Variants in SAMD12 observed in about 807,000 individuals in gnomAD.
The protein encoded by SAMD12 is sterile alpha motif domain-containing protein 12.
Under a neutral mutation model 15.0 loss-of-function variants are expected in SAMD12, and 9 were observed. That is an observed-to-expected ratio of 0.60 (90% confidence interval 0.36 to 1.05). The LOEUF (loss-of-function observed/expected upper bound fraction) is 1.05. SAMD12 is among the 50% of genes least tolerant of loss of function. The pLI is 0.01. For missense variants in SAMD12, 230 were observed against 234.2 expected, an observed-to-expected ratio of 0.98 and a Z score of 0.12; for synonymous variants, 86 against 90.1, an observed-to-expected ratio of 0.96 and a Z score of 0.25.
At chr8:118,572,824 T>C (rs1392942289) in intron 2 of SAMD12, among the ~76,000 whole-genome samples, 1 of 151,984 alleles carries the variant, frequency 6.6e-6, no homozygotes. Context: ...GTTTGGCTGT[T>C]TCCCCACCCA....
intron 2 of SAMD12, among the ~76,000 whole-genome samples, chr8:118,498,180 T>C (rs1351327489): frequency 6.6e-6 from 1 of 152,166 alleles, no homozygotes; most frequent in Non-Finnish European, 1.5e-5. Context: ...ACCTTCACTT[T>C]TAAAGACGGT....
intron 3 of SAMD12, among the ~76,000 whole-genome samples, chr8:118,408,177 T>A (rs1278356890): frequency 6.6e-6 from 1 of 152,098 alleles, no homozygotes; most frequent in Non-Finnish European, 1.5e-5. Context: ...TTGATAAGTA[T>A]CCTCAAACTC....
the SAMD12 span, among the ~76,000 whole-genome samples, chr8:118,139,642 G>A: frequency 6.6e-6 from 1 of 152,166 alleles, no homozygotes; most frequent in African/African-American, 2.4e-5. Context: ...ACATGTGTGA[G>A]CCACTGCGCC....
chr8:118,252,472 T>G (rs1172932102), intron 4 of SAMD12, among the ~76,000 whole-genome samples: 1 of 148,596 alleles, frequency 6.7e-6, no homozygotes, highest in Non-Finnish European at 1.5e-5. Context: ...ATCATCTTTC[T>G]CCTGTCTTGG....
chr8:118,512,280 A>G (rs961867755), intron 2 of SAMD12, among the ~76,000 whole-genome samples: 14 of 152,212 alleles, frequency 9.2e-5, no homozygotes, highest in African/African-American at 3.1e-4. Context: ...CCAGAAAGTA[A>G]AGCAAAGAAA....
At chr8:118,222,704 C>A (rs773017860) in intron 4 of SAMD12, among the ~76,000 whole-genome samples, 2 of 152,024 alleles carry the variant, frequency 1.3e-5, no homozygotes, top group Non-Finnish European at 1.5e-5. Context: ...GGGGTTTCAC[C>A]ATGTTGGACA....
chr8:118,229,818 C>T (rs566550708), intron 4 of SAMD12, among the ~76,000 whole-genome samples: 31 of 152,266 alleles, frequency 2.0e-4, no homozygotes, highest in African/African-American at 5.5e-4. Context: ...AGGCCACACA[C>T]GGCTGCCCTA....
At chr8:118,572,659 A>G (rs973858978) in intron 2 of SAMD12, among the ~76,000 whole-genome samples, 3 of 152,172 alleles carry the variant, frequency 2.0e-5, no homozygotes, top group African/African-American at 4.8e-5. Flanking sequence ...CATGTAAGAC[A>G]TGCCTTGCTC....
chr8:118,519,840 A>T (rs1161920843), intron 2 of SAMD12, among the ~76,000 whole-genome samples: 1 of 152,228 alleles, frequency 6.6e-6, no homozygotes, highest in Non-Finnish European at 1.5e-5. Flanking sequence ...ATGACTTAAC[A>T]TCTAGTCTGT....
chr8:118,621,667 G>A (rs1449604998), intron 1 of SAMD12, 137 bp downstream of exon 1: 11 of 941,068 alleles, frequency 1.2e-5, no homozygotes, highest in South Asian at 4.2e-5. Context: ...TGAGTGCCAA[G>A]AGGTGGAGGA....
chr8:118,615,693 A>C (rs1480918883), intron 1 of SAMD12, among the ~76,000 whole-genome samples: 1 of 152,228 alleles, frequency 6.6e-6, no homozygotes, highest in African/African-American at 2.4e-5. Context: ...TCAGCATTAC[A>C]GAACACAGCT....
chr8:118,483,038 C>T (rs1645599958), intron 2 of SAMD12, among the ~76,000 whole-genome samples: 1 of 152,312 alleles, frequency 6.6e-6, no homozygotes, highest in Non-Finnish European at 1.5e-5. Flanking sequence ...TGCCATCCAT[C>T]TCAATCTAAA....
At chr8:118,446,802 T>A (rs1425782456) in intron 2 of SAMD12, among the ~76,000 whole-genome samples, 2 of 152,160 alleles carry the variant, frequency 1.3e-5, no homozygotes, top group Non-Finnish European at 2.9e-5. Context: ...GGCTCTCCAT[T>A]GAGTCTCATG....
At chr8:118,585,845 T>C (rs1185066704) in intron 1 of SAMD12, among the ~76,000 whole-genome samples, 1 of 152,136 alleles carries the variant, frequency 6.6e-6, no homozygotes, top group Non-Finnish European at 1.5e-5. Flanking sequence ...TGGAATGAAG[T>C]GCCAGGCCTT....
chr8:118,161,677 A>G, the SAMD12 span, among the ~76,000 whole-genome samples: 1 of 150,428 alleles, frequency 6.6e-6, no homozygotes, highest in Admixed American at 6.7e-5. Flanking sequence ...ATACATAAAG[A>G]AGCCTCAAAA....
chr8:118,519,280 C>T (rs1825327099), intron 2 of SAMD12, among the ~76,000 whole-genome samples: 1 of 152,196 alleles, frequency 6.6e-6, no homozygotes, highest in African/African-American at 2.4e-5. Context: ...CTACATTCAA[C>T]ACATAAGGTG....
intron 4 of SAMD12, among the ~76,000 whole-genome samples, chr8:118,332,363 T>C (rs1816844551): frequency 1.3e-5 from 2 of 152,224 alleles, no homozygotes; most frequent in South Asian, 2.1e-4. Flanking sequence ...TGAACACTGA[T>C]CACAAAGCCA....
chr8:118,498,238 C>T (rs1824682897), intron 2 of SAMD12, among the ~76,000 whole-genome samples: 1 of 152,176 alleles, frequency 6.6e-6, no homozygotes, highest in Non-Finnish European at 1.5e-5. Flanking sequence ...GTCACAGGAA[C>T]AGTCTCAGCT....
At chr8:118,291,302 GGGAGA>G (rs1481172688) in intron 4 of SAMD12, 4 of 152,214 alleles carry the variant, frequency 2.6e-5, no homozygotes, top group African/African-American at 4.8e-5. Flanking sequence ...CTGCAGGAGA[GGGAGA>G]ACTGGTGGAT....
Sources: gnomAD v4.1 joint callset for allele counts (sites outside exome capture counted in the v4.1 genomes callset) on GRCh38, gnomAD v4.1.1 for gene constraint, MANE v1.5 for transcripts, NCBI Gene and HGNC (gene_info 2026-07-23, HGNC 2026-07-21) for gene names.